Variants in RAI14 observed in about 807,000 individuals in gnomAD.
The protein encoded by RAI14 is retinoic acid induced 14, also known as ankycorbin.
Under a neutral mutation model 115.4 loss-of-function variants are expected in RAI14, and 45 were observed. The ratio of observed to expected loss-of-function variants is 0.39; its 90% CI spans 0.31 to 0.50. The LOEUF is 0.50. RAI14 is among the 20% of genes least tolerant of loss of function. The pLI is 0.85. For missense variants in RAI14, 939 were observed against 1,131.2 expected (o/e 0.83, Z 2.44); for synonymous variants, 371 against 415.4 (o/e 0.89, Z 1.30).
intron 3 of RAI14, among the ~76,000 whole-genome samples, chr5:34,777,534 C>T (rs1489903688): frequency 1.3e-5 from 2 of 152,142 alleles, no homozygotes; most frequent in East Asian, 3.9e-4. Flanking sequence ...AATCCCAACA[C>T]TTTGGGAGAC....
chr5:34,828,399 C>T (rs910493170), intron 16 of RAI14, among the ~76,000 whole-genome samples: 3 of 152,036 alleles, frequency 2.0e-5, no homozygotes, highest in African/African-American at 7.2e-5. Flanking sequence ...CGAATGATGA[C>T]AGAGGCAGTG....
intron 3 of RAI14, among the ~76,000 whole-genome samples, chr5:34,760,833 C>T (rs1748552597): frequency 6.6e-6 from 1 of 152,176 alleles, no homozygotes; most frequent in Non-Finnish European, 1.5e-5. Context: ...TTGTCACTTT[C>T]TAGTTCTAGA....
chr5:34,745,179 G>A (rs190620213), intron 2 of RAI14, among the ~76,000 whole-genome samples: 214 of 152,260 alleles, frequency 1.4e-3, no homozygotes, highest in African/African-American at 5.0e-3. Flanking sequence ...ACCCAGTAAA[G>A]GTGGTTATGG....
intron 2 of RAI14, among the ~76,000 whole-genome samples, chr5:34,712,272 A>AT (rs1474315897): frequency 3.9e-5 from 6 of 152,332 alleles, no homozygotes; most frequent in East Asian, 3.9e-4. Context: ...TTCAAGGTAC[A>AT]TTTCCTGAGC....
rs537560220 is a variant in RAI14 at position 34,783,514 on chromosome 5, A to G, written c.168-12425A>G. On this transcript the variant is annotated intron_variant, in intron 3 of 17. Coordinates refer to ENST00000265109, the MANE Select transcript of RAI14 (RefSeq NM_015577.3). ...TTTACCTATTTCCCAAGTTTTTGTTATTGGATTTCTCCCACCAAACCAGTT... is the reference window on the plus strand; with the variant it reads ...TTTACCTATTTCCCAAGTTTTTGTTGTTGGATTTCTCCCACCAAACCAGTT... Among the ~76,000 whole-genome samples, 26 of 152,216 alleles carry G rather than the reference A, an allele frequency of 1.7e-4. No individual in the cohort carries two copies. The South Asian group carries it at 4.6e-3, about 27-fold the overall frequency.
intron 1 of RAI14, among the ~76,000 whole-genome samples, chr5:34,683,973 G>C (rs1024280762): frequency 6.6e-6 from 1 of 151,996 alleles, no homozygotes; most frequent in African/African-American, 2.4e-5. Context: ...GTGTTCCGCC[G>C]GCCTCGGCCT....
chr5:34,772,059 G>A (rs1750233857), intron 3 of RAI14, among the ~76,000 whole-genome samples: 1 of 151,978 alleles, frequency 6.6e-6, no homozygotes, highest in Non-Finnish European at 1.5e-5. Context: ...TAGGTACGTG[G>A]CACCTCACCT....
chr5:34,800,811 T>A (rs1318060969), intron 4 of RAI14, among the ~76,000 whole-genome samples: 1 of 152,198 alleles, frequency 6.6e-6, no homozygotes, highest in Non-Finnish European at 1.5e-5. Context: ...GAGAACCAGG[T>A]CTTTTTCCAG....
intron 1 of RAI14, among the ~76,000 whole-genome samples, chr5:34,678,099 G>A (rs945897000): frequency 1.6e-5 from 2 of 123,634 alleles, no homozygotes; most frequent in Non-Finnish European, 3.7e-5. Context: ...ATTTTGTTTT[G>A]TTTTGTTTTT....
intron 1 of RAI14, among the ~76,000 whole-genome samples, chr5:34,662,404 T>C (rs1187901640): frequency 6.6e-6 from 1 of 152,206 alleles, no homozygotes; most frequent in Admixed American, 6.5e-5. Context: ...CTACCTTGCA[T>C]GATGAGTATA....
chr5:34,775,397 A>C (rs1377048667), intron 3 of RAI14, among the ~76,000 whole-genome samples: 1 of 152,184 alleles, frequency 6.6e-6, no homozygotes, highest in African/African-American at 2.4e-5. Flanking sequence ...TAAGGAGCTC[A>C]AACAATTCTA....
chr5:34,795,410 T>A (rs1390761901), intron 3 of RAI14, among the ~76,000 whole-genome samples: 3 of 152,210 alleles, frequency 2.0e-5, no homozygotes, highest in African/African-American at 7.2e-5. Flanking sequence ...ATTAGGCACT[T>A]ACCAAATATT....
At chr5:34,826,957 C>A (rs1172874546) in intron 16 of RAI14, among the ~76,000 whole-genome samples, 1 of 152,164 alleles carries the variant, frequency 6.6e-6, no homozygotes, top group East Asian at 1.9e-4. Context: ...TAACAAATCA[C>A]CACAAATTTG....
At chr5:34,815,818 T>C (rs1262814892) in intron 12 of RAI14, among the ~76,000 whole-genome samples, 1 of 152,214 alleles carries the variant, frequency 6.6e-6, no homozygotes, top group African/African-American at 2.4e-5. Flanking sequence ...TCACAAAAAA[T>C]GATAAGTGTG....
intron 2 of RAI14, among the ~76,000 whole-genome samples, chr5:34,720,572 A>G (rs550883707): frequency 2.7e-4 from 41 of 151,794 alleles, no homozygotes; most frequent in South Asian, 1.3e-3. Context: ...CACCACGCCC[A>G]GCTAATTTTT....
intron 2 of RAI14, among the ~76,000 whole-genome samples, chr5:34,740,925 C>A (rs1745439451): frequency 6.6e-6 from 1 of 152,180 alleles, no homozygotes. Flanking sequence ...AGTGGTGTCT[C>A]TTGCCTGAAA....
At chr5:34,777,904 A>T (rs77004535) in intron 3 of RAI14, among the ~76,000 whole-genome samples, 4,609 of 152,248 alleles carry the variant, frequency 0.03, 243 homozygotes, top group African/African-American at 0.1. Context: ...GTAGAAACAT[A>T]GTTAGAGCTA....
At chr5:34,797,024 C>T (rs1355289072) in intron 4 of RAI14, among the ~76,000 whole-genome samples, 1 of 152,102 alleles carries the variant, frequency 6.6e-6, no homozygotes, top group Non-Finnish European at 1.5e-5. Context: ...GTAGTCTTAC[C>T]TTGTATAAAA....
intron 2 of RAI14, 30 bp from the exon 3 acceptor site, chr5:34,757,438 A>T: frequency 3.1e-6 from 5 of 1,610,808 alleles, no homozygotes; most frequent in Non-Finnish European, 4.2e-6. Context: ...AGTGTTGTTC[A>T]TGACCTCTGT....
Sources: allele counts gnomAD v4.1 joint callset (sites outside exome capture counted in the v4.1 genomes callset), GRCh38; gene constraint gnomAD v4.1.1; transcripts MANE v1.5; gene names NCBI Gene and HGNC (gene_info 2026-07-23, HGNC 2026-07-21).